Variants in CLEC4D observed in about 807,000 individuals in gnomAD.
CLEC4D encodes the protein C-type lectin domain family 4 member D, also known as C-type (calcium dependent, carbohydrate-recognition domain) lectin, superfamily member 8.
CLEC4D carries 21 observed loss-of-function variants against 21.1 expected under a neutral mutation model. The observed-to-expected ratio is 1.00, with a 90% CI of 0.71 to 1.43. The LOEUF (loss-of-function observed/expected upper bound fraction) is 1.43. CLEC4D is among the 40% of genes most tolerant of loss of function. The probability of loss-of-function intolerance (pLI) is 0.00; values close to 1 mark genes in which losing one functional copy is unlikely to be tolerated. For synonymous variants in CLEC4D, 85 were observed against 83.1 expected, an observed-to-expected ratio of 1.02 and a Z score of -0.12; for missense variants, 289 against 260.7, an observed-to-expected ratio of 1.11 and a Z score of -0.75.
At position 8,518,231 on chromosome 12, in the gene CLEC4D, G is replaced by T; in HGVS notation, c.189G>T (p.Lys63Asn). The change falls in exon 3 of 6, where the codon AAG becomes AAT. Residue 63 changes from lysine to asparagine, a missense_variant. Transcript: ENST00000299665. The part of the protein sequence containing the change: ...TGVHKLEHHA[K>N]LKCIKEKSEL... ...TGCACAAGTTAGAGCACCATGCAAA[G>T]CTCAAATGCATCAAAGAGAAATCAG... is the stretch of plus-strand genomic sequence containing the variant. 7.0e-7 allele frequency: 1 copy of T among 1,420,336 alleles called. No homozygotes were observed. Among genetic ancestry groups the T allele is most frequent in the Non-Finnish European group, 1.0e-6 (1 of 1,003,754 alleles). The allele number at this position is 1,420,336 out of a possible 1,614,324, so 88.0% of individuals were successfully genotyped here. A position where few individuals can be genotyped will look rare whatever the true frequency, so the allele number is the denominator to read the frequency against.
intron 5 of CLEC4D, 68 bp downstream of exon 5, chr12:8,520,409 A>G (rs1398145153): frequency 1.3e-6 from 2 of 1,567,016 alleles, no homozygotes; most frequent in Non-Finnish European, 1.7e-6. Flanking sequence ...AGAAACATTC[A>G]TTTTGAAGTG....
intron 5 of CLEC4D, 46 bp from the exon 6 acceptor site, chr12:8,521,078 G>T: frequency 1.3e-6 from 2 of 1,584,368 alleles, no homozygotes; most frequent in Non-Finnish European, 1.7e-6. Context: ...AATCTACATT[G>T]TCTATATATA....
the CLEC4D span, among the ~76,000 whole-genome samples, chr12:8,531,088 G>A: frequency 2.0e-5 from 3 of 151,938 alleles, no homozygotes; most frequent in Non-Finnish European, 4.4e-5. Context: ...ACGTATGGGC[G>A]TCCTCCTCAC....
downstream of CLEC4D, among the ~76,000 whole-genome samples, chr12:8,525,024 A>C (rs1940496088): frequency 6.6e-6 from 1 of 152,110 alleles, no homozygotes; most frequent in Non-Finnish European, 1.5e-5. Context: ...TGATTTTCTT[A>C]ATCTTGAATT....
intron 1 of CLEC4D, among the ~76,000 whole-genome samples, chr12:8,514,778 G>T (rs1940354565): frequency 1.3e-5 from 2 of 152,038 alleles, no homozygotes; most frequent in African/African-American, 4.8e-5. Flanking sequence ...TTGATTAGTG[G>T]CTATTTATAA....
chr12:8,517,700 A>G (rs1940399108), intron 2 of CLEC4D, among the ~76,000 whole-genome samples: 1 of 151,990 alleles, frequency 6.6e-6, no homozygotes, highest in South Asian at 2.1e-4. Flanking sequence ...TAATCCCAGC[A>G]CTTTGGGAGG....
downstream of CLEC4D, among the ~76,000 whole-genome samples, chr12:8,523,189 T>C (rs1398517342): frequency 6.6e-6 from 1 of 152,202 alleles, no homozygotes; most frequent in Admixed American, 6.5e-5. Flanking sequence ...AGCTCTTCTT[T>C]GACTCTATAT....
Position 8,521,391 on chromosome 12 carries a change from A to G in CLEC4D, c.*120A>G. 1 of 1,455,514 alleles carries G rather than the reference A, an allele frequency of 6.9e-7. No homozygotes were observed. The highest frequency in any genetic ancestry group is 9.0e-7 in the Non-Finnish European group (1 of 1,108,128). The allele number at this position is 1,455,514 out of a possible 1,614,324, so 90.2% of individuals were successfully genotyped here. ...GCTGGTTCATACAGCGTTTTTAGTC[A>G]TAATGGTCTTTTTTATTTTGTTTGA... On this transcript the variant is annotated 3_prime_UTR_variant, in exon 6 of 6. Coordinates refer to ENST00000299665, the MANE Select transcript of CLEC4D (RefSeq NM_080387.5).
At chr12:8,519,449 A>AG in intron 4 of CLEC4D, among the ~76,000 whole-genome samples, 1 of 152,156 alleles carries the variant, frequency 6.6e-6, no homozygotes, top group Admixed American at 6.5e-5. Context: ...CAACGAGATC[A>AG]TGGCATTTAC....
rs753300035 is a variant in CLEC4D, at chr12:8,515,352, C to T, written c.121+24C>T. On this transcript the variant is annotated intron_variant, in intron 2 of 5. Transcript: ENST00000299665. Reference sequence around the variant, plus strand: ...GGGTAAGTTATTAGCCAAAGTAGAACTCTTCTTGAATTATTATTTCCAAAC... The same window carrying T: ...GGGTAAGTTATTAGCCAAAGTAGAATTCTTCTTGAATTATTATTTCCAAAC... The T allele has an allele frequency of 2.7e-5, 27 of 1,008,944 alleles. 1 individual carries two copies. The highest frequency in any genetic ancestry group is 2.7e-4 in the South Asian group (21 of 79,178). The allele number at this position is 1,008,944 out of a possible 1,614,324, so 62.5% of individuals were successfully genotyped here. A position where few individuals can be genotyped will look rare whatever the true frequency, so the allele number is the denominator to read the frequency against.
intron 1 of CLEC4D, among the ~76,000 whole-genome samples, chr12:8,514,851 T>C (rs932359963): frequency 2.0e-5 from 3 of 152,184 alleles, no homozygotes; most frequent in East Asian, 3.8e-4. Flanking sequence ...TTCTAGTTGA[T>C]TTTGAAATAC....
chr12:8,518,888 TTGG>T, intron 3 of CLEC4D, 118 bp from the exon 4 acceptor site: 2 of 1,420,488 alleles, frequency 1.4e-6, no homozygotes, highest in South Asian at 3.1e-5. Flanking sequence ...CAGAATAATT[TTGG>T]TGATCTTGAT....
intron 1 of CLEC4D, among the ~76,000 whole-genome samples, chr12:8,514,447 T>A (rs1177677326): frequency 1.3e-5 from 2 of 152,122 alleles, no homozygotes; most frequent in African/African-American, 4.8e-5. Flanking sequence ...AGTATGTGTT[T>A]TCTATTTTGA....
chr12:8,515,893 T>A lies in CLEC4D; in HGVS notation c.121+565T>A, dbSNP rs907813392. The stretch of plus-strand genomic sequence containing the variant: ...ATATCAAACATAAAATAATTATAAT[T>A]AAAGTAATATGATATAGGTGCAAGA... On this transcript the variant is annotated intron_variant, in intron 2 of 5. Transcript: ENST00000299665. Among the ~76,000 whole-genome samples, 15 of 152,000 alleles carry A rather than the reference T, an allele frequency of 9.9e-5. No individual in the cohort carries two copies. The South Asian group carries it at 1.7e-3, about 17-fold the overall frequency.
At chr12:8,524,277 A>G (rs926601383), downstream of CLEC4D, among the ~76,000 whole-genome samples, 3 of 151,382 alleles carry the variant, frequency 2.0e-5, no homozygotes, top group African/African-American at 7.3e-5. Context: ...GAATGGTACC[A>G]GTTCTTCTTT....
At position 8,521,423 on chromosome 12, in the gene CLEC4D, C is replaced by T. The variant is rs375761094; in HGVS notation, c.*152C>T. ...TCTTTTTTATTTTGTTTGATTCATT[C>T]GAGACAACATGTGTGTATGTGTGTG... On this transcript the variant is annotated 3_prime_UTR_variant, in exon 6 of 6. Transcript: ENST00000299665. 5.0e-6 allele frequency: 7 copies of T among 1,396,466 alleles called. No individual in the cohort carries two copies. Among genetic ancestry groups the T allele is most frequent in the Middle Eastern group, 2.7e-4 (1 of 3,742 alleles). The allele number at this position is 1,396,466 out of a possible 1,614,324, so 86.5% of individuals were successfully genotyped here. A position where few individuals can be genotyped will look rare whatever the true frequency, so the allele number is the denominator to read the frequency against.
Position 8,522,359 on chromosome 12 carries a change from T to C in CLEC4D, c.*1088T>C, listed in dbSNP as rs1940468902. On this transcript the variant is annotated 3_prime_UTR_variant, in exon 6 of 6. Coordinates refer to ENST00000299665, the MANE Select transcript of CLEC4D (RefSeq NM_080387.5). ...AACTTTAATAAAATATGGTGGTCTTTCTTAAAATTTTCAATTTGCTAATTT... is the reference window on the plus strand; with the variant it reads ...AACTTTAATAAAATATGGTGGTCTTCCTTAAAATTTTCAATTTGCTAATTT... 6.6e-6 allele frequency: 1 copy of C among 152,184 alleles called. No homozygotes were observed. The highest frequency in any genetic ancestry group is 2.4e-5 in the African/African-American group (1 of 41,458). 9.4% of individuals were successfully genotyped at this position (152,184 alleles called of 1,614,324 possible). A position where few individuals can be genotyped will look rare whatever the true frequency, so the allele number is the denominator to read the frequency against.
the CLEC4D span, among the ~76,000 whole-genome samples, chr12:8,528,000 C>G: frequency 6.6e-6 from 1 of 152,160 alleles, no homozygotes; most frequent in Admixed American, 6.5e-5. Flanking sequence ...TTTCTTCTCT[C>G]CGTGGGTCAC....
intron 2 of CLEC4D, among the ~76,000 whole-genome samples, chr12:8,517,773 C>A (rs993622064): frequency 1.3e-5 from 2 of 151,922 alleles, no homozygotes; most frequent in African/African-American, 4.8e-5. Context: ...GGTGAAACCC[C>A]GTCTCTACTA....
Sources: allele counts gnomAD v4.1 joint callset (sites outside exome capture counted in the v4.1 genomes callset), GRCh38; gene constraint gnomAD v4.1.1; transcripts MANE v1.5; gene names NCBI Gene and HGNC (gene_info 2026-07-23, HGNC 2026-07-21).